Variants in AUTS2 observed in about 807,000 individuals in gnomAD.
The protein encoded by AUTS2 is autism susceptibility gene 2 protein.
AUTS2 carries 17 observed loss-of-function variants against 112.4 expected under a neutral mutation model. That is an observed-to-expected ratio of 0.15 (90% CI 0.10 to 0.23). The LOEUF is 0.23. AUTS2 is among the 10% of genes least tolerant of loss of function. AUTS2 has a pLI of 1.00. For missense variants in AUTS2, 1,510 were observed against 1,701.6 expected, an observed-to-expected ratio of 0.89 and a Z score of 1.98; for synonymous variants, 751 against 702.7, an observed-to-expected ratio of 1.07 and a Z score of -1.09.
intron 1 of AUTS2, among the ~76,000 whole-genome samples, chr7:69,783,295 A>T (rs529550387): frequency 6.6e-6 from 1 of 151,988 alleles, no homozygotes; most frequent in East Asian, 1.9e-4. Context: ...GACTGTTAGG[A>T]TCAGTTTAGG....
intron 1 of AUTS2, among the ~76,000 whole-genome samples, chr7:69,765,813 GGCACGT>G (rs1788395785): frequency 6.6e-6 from 1 of 152,186 alleles, no homozygotes; most frequent in African/African-American, 2.4e-5. Context: ...TGGGCATGGT[GGCACGT>G]GCCTGTAGTC....
intron 5 of AUTS2, among the ~76,000 whole-genome samples, chr7:70,452,052 G>C (rs1796555351): frequency 6.6e-6 from 1 of 152,210 alleles, no homozygotes; most frequent in Non-Finnish European, 1.5e-5. Flanking sequence ...TAGCAACATA[G>C]TGCTGTGTGA....
At chr7:70,787,009 A>T in intron 17 of AUTS2, 200 bp from the exon 18 acceptor site, 2 of 671,244 alleles carry the variant, frequency 3.0e-6, no homozygotes, top group Non-Finnish European at 2.6e-6. Flanking sequence ...AAAAGAAAAA[A>T]AAAAGCTGTG....
intron 4 of AUTS2, among the ~76,000 whole-genome samples, chr7:70,405,199 G>A (rs1374458961): frequency 6.6e-6 from 1 of 152,196 alleles, no homozygotes; most frequent in Admixed American, 6.5e-5. Context: ...GCTAAGACAA[G>A]CAATTGATGT....
intron 2 of AUTS2, among the ~76,000 whole-genome samples, chr7:70,091,804 T>A (rs1184669993): frequency 1.3e-5 from 2 of 152,200 alleles, no homozygotes; most frequent in Non-Finnish European, 2.9e-5. Flanking sequence ...TCTGTCTACA[T>A]CTTTCCAATG....
chr7:69,607,978 A>G (rs1179252942), intron 1 of AUTS2, among the ~76,000 whole-genome samples: 1 of 152,170 alleles, frequency 6.6e-6, no homozygotes, highest in East Asian at 1.9e-4. Flanking sequence ...TTGGTTGCCC[A>G]GGCTGGAGTG....
chr7:70,547,645 G>A (rs1404198168), intron 5 of AUTS2, among the ~76,000 whole-genome samples: 6 of 152,196 alleles, frequency 3.9e-5, no homozygotes, highest in East Asian at 3.9e-4. Flanking sequence ...ATTTGTTTCC[G>A]TTAATTGCTG....
At chr7:70,668,003 A>G (rs1351212891) in intron 5 of AUTS2, among the ~76,000 whole-genome samples, 1 of 152,156 alleles carries the variant, frequency 6.6e-6, no homozygotes, top group Non-Finnish European at 1.5e-5. Context: ...GAGATTCTGC[A>G]TTTCTTTTTT....
At chr7:70,425,425 C>T (rs982192818) in intron 4 of AUTS2, among the ~76,000 whole-genome samples, 1 of 152,176 alleles carries the variant, frequency 6.6e-6, no homozygotes. Context: ...CCCCAGGATA[C>T]ACAGGGCACA....
rs554230700 is a variant in AUTS2, at chr7:69,978,776, A to T, written c.522+79278A>T. ...TGGGAGGATCTCATGAGCTCAGGAG[A>T]TTGAGGCTGCAATGAGCCATGATTG... is the stretch of plus-strand genomic sequence containing the variant. On this transcript the variant is annotated intron_variant, in intron 2 of 18. Transcript: ENST00000342771. Among the ~76,000 whole-genome samples, 16 of 151,774 alleles carry T rather than the reference A, an allele frequency of 1.1e-4. 1 individual carries two copies. In the South Asian group the frequency reaches 3.3e-3, roughly 32 times the overall value.
At chr7:70,774,140 T>C (rs1273151241) in intron 12 of AUTS2, 41 bp downstream of exon 12, 1 of 1,590,778 alleles carries the variant, frequency 6.3e-7, no homozygotes, top group South Asian at 1.1e-5. Flanking sequence ...AACACCAGGG[T>C]GTGTGTGTTT....
At chr7:70,243,281 ATGAG>A (rs912516218) in intron 4 of AUTS2, among the ~76,000 whole-genome samples, 15 of 89,950 alleles carry the variant, frequency 1.7e-4, no homozygotes, top group Admixed American at 1.3e-3. Flanking sequence ...GTGTGTGTGT[ATGAG>A]TATATATATA....
chr7:70,256,167 A>C (rs1379373146), intron 4 of AUTS2, among the ~76,000 whole-genome samples: 3 of 152,120 alleles, frequency 2.0e-5, no homozygotes, highest in African/African-American at 7.2e-5. Context: ...ATGAATCCTG[A>C]TTACCTTCAT....
intron 2 of AUTS2, among the ~76,000 whole-genome samples, chr7:69,987,679 A>T (rs1340948601): frequency 6.6e-6 from 1 of 152,100 alleles, no homozygotes; most frequent in Non-Finnish European, 1.5e-5. Context: ...GATGTTGCCC[A>T]TGCTGGTCTC....
intron 2 of AUTS2, among the ~76,000 whole-genome samples, chr7:70,015,012 C>T (rs1799966433): frequency 6.6e-6 from 1 of 152,208 alleles, no homozygotes; most frequent in Non-Finnish European, 1.5e-5. Flanking sequence ...GTTTCTTTTA[C>T]ATCTCTGAAA....
At chr7:69,718,550 G>T (rs1297046327) in intron 1 of AUTS2, among the ~76,000 whole-genome samples, 2 of 152,070 alleles carry the variant, frequency 1.3e-5, no homozygotes, top group Non-Finnish European at 2.9e-5. Context: ...CTTTTCCATA[G>T]TTACATCTTC....
At chr7:70,618,472 A>G (rs1364602878) in intron 5 of AUTS2, among the ~76,000 whole-genome samples, 2 of 152,168 alleles carry the variant, frequency 1.3e-5, no homozygotes. Flanking sequence ...CTCATTAACC[A>G]AGAGGAAAAA....
intron 5 of AUTS2, among the ~76,000 whole-genome samples, chr7:70,593,188 C>T (rs1803032226): frequency 6.6e-6 from 1 of 152,142 alleles, no homozygotes; most frequent in Non-Finnish European, 1.5e-5. Context: ...TATAATTCCA[C>T]TTTCTCATCT....
At chr7:69,637,721 G>T (rs1434997849) in intron 1 of AUTS2, among the ~76,000 whole-genome samples, 1 of 152,082 alleles carries the variant, frequency 6.6e-6, no homozygotes, top group African/African-American at 2.4e-5. Flanking sequence ...CTAAGTATAT[G>T]AAAAAAATAT....
Sources: allele counts gnomAD v4.1 joint callset (sites outside exome capture counted in the v4.1 genomes callset), GRCh38; gene constraint gnomAD v4.1.1; transcripts MANE v1.5; gene names NCBI Gene and HGNC (gene_info 2026-07-23, HGNC 2026-07-21).